The following SEZ6 variants were observed in gnomAD, a reference collection of about 807,000 sequenced individuals.
SEZ6 encodes seizure related 6 homolog, also known as seizure protein 6 homolog.
Under a neutral mutation model 101.0 loss-of-function variants are expected in SEZ6, and 53 were observed. That is an observed-to-expected ratio of 0.52 (90% CI 0.42 to 0.66). SEZ6 has a LOEUF of 0.66. Among genes scored for constraint, SEZ6 ranks in the 30% least tolerant of loss-of-function variants. SEZ6 has a pLI of 0.00. For missense variants in SEZ6, 1,102 were observed against 1,289.4 expected, an observed-to-expected ratio of 0.85 and a Z score of 2.23; for synonymous variants, 488 against 512.2, an observed-to-expected ratio of 0.95 and a Z score of 0.64.
At chr17:29,003,565 C>A (rs570795478) in intron 1 of SEZ6, among the ~76,000 whole-genome samples, 2 of 152,246 alleles carry the variant, frequency 1.3e-5, no homozygotes, top group Admixed American at 1.3e-4. Context: ...AGGCTCATAG[C>A]CTGAGGTCTT....
At position 28,979,750 on chromosome 17, in the gene SEZ6, G is replaced by C; in HGVS notation, c.788C>G (p.Ser263Cys). ...GCAGTCCAGGCCAACATCAGTGGGG[G>C]AGCTGAGGTCTGTAGGGGAGTCCAG... ...GSLDSPTDLS[S>C]PTDVGLDCFF... is the part of the protein sequence containing the mutation. Residue 263 changes from serine to cysteine, a missense_variant, in exon 3 of 17, where the codon TCC becomes TGC. Ser to Cys is a moderately radical substitution (Grantham distance 112). Around this residue, in one of 3 missense-constraint regions of SEZ6, gnomAD observed 406 missense variants for 418.6 expected, o/e 0.97. Coordinates refer to ENST00000317338, the MANE Select transcript of SEZ6 (RefSeq NM_178860.5). 6.2e-7 allele frequency: 1 copy of C among 1,613,850 alleles called. No homozygotes were observed. Among genetic ancestry groups the C allele is most frequent in the Non-Finnish European group, 8.5e-7 (1 of 1,179,826 alleles).
chr17:28,964,100 C>T lies in SEZ6; in HGVS notation c.1102G>A (p.Val368Met). Residue 368 changes from valine (V) to methionine (M), a missense_variant, in exon 5 of 17, where the codon GTG becomes ATG. Transcript: ENST00000317338. ...CCTGGGTGGAGGCTGGTGACAGTCA[C>T]ATCTCCATAAGCTGGACGACGGGGA... ...HFPRRPAYGD[V>M]TVTSLHPGGS... 3.1e-6 allele frequency: 5 copies of T among 1,604,764 alleles called. No individual in the cohort carries two copies. The highest frequency in any genetic ancestry group is 4.3e-6 in the Non-Finnish European group (5 of 1,175,614).
chr17:28,964,222 G>T (rs1273961659), intron 4 of SEZ6, 75 bp from the exon 5 acceptor site: 3 of 1,427,610 alleles, frequency 2.1e-6, no homozygotes, highest in African/African-American at 2.8e-5. Flanking sequence ...GTTGGGGGAG[G>T]TCTGCCTCAG....
chr17:28,965,051 C>T (rs1020839203), intron 4 of SEZ6, among the ~76,000 whole-genome samples: 1 of 145,414 alleles, frequency 6.9e-6, no homozygotes, highest in Non-Finnish European at 1.5e-5. Context: ...AGCAAAACTC[C>T]ATCTCAAAAC....
chr17:28,961,965 C>T (rs779929808), intron 5 of SEZ6, among the ~76,000 whole-genome samples: 11 of 152,156 alleles, frequency 7.2e-5, no homozygotes, highest in Non-Finnish European at 1.5e-4. Context: ...AGACCTGCCT[C>T]AGCTTGGTCT....
chr17:28,987,155 A>G (rs1320546113), intron 1 of SEZ6, among the ~76,000 whole-genome samples: 1 of 152,190 alleles, frequency 6.6e-6, no homozygotes, highest in Non-Finnish European at 1.5e-5. Flanking sequence ...GGACAATGAG[A>G]ATTTAATGGG....
intron 3 of SEZ6, among the ~76,000 whole-genome samples, chr17:28,972,663 G>A (rs1253212302): frequency 6.6e-6 from 1 of 152,248 alleles, no homozygotes; most frequent in Non-Finnish European, 1.5e-5. Context: ...AGCAGGCGGA[G>A]GCTGGATGAG....
intron 1 of SEZ6, among the ~76,000 whole-genome samples, chr17:28,983,504 G>A (rs923490774): frequency 6.6e-6 from 1 of 152,168 alleles, no homozygotes; most frequent in African/African-American, 2.4e-5. Flanking sequence ...TCTGGGGGAT[G>A]AAACTGATTT....
At chr17:29,006,051 G>C (rs1000248191), upstream of SEZ6, 303 of 419,898 alleles carry the variant, frequency 7.2e-4, 1 homozygote, top group Non-Finnish European at 8.8e-4. Context: ...GCCTGGCGAC[G>C]GCGCCGGGGA....
At chr17:28,978,633 G>A (rs186653626) in intron 3 of SEZ6, among the ~76,000 whole-genome samples, 43 of 152,344 alleles carry the variant, frequency 2.8e-4, no homozygotes, top group African/African-American at 9.9e-4. Context: ...AGTGCAAAGT[G>A]GGGGTAAAGA....
At chr17:28,969,142 A>G (rs2041112759) in intron 4 of SEZ6, among the ~76,000 whole-genome samples, 1 of 152,200 alleles carries the variant, frequency 6.6e-6, no homozygotes, top group Non-Finnish European at 1.5e-5. Flanking sequence ...TCAAACACAG[A>G]TCTGCCCATT....
intron 10 of SEZ6, among the ~76,000 whole-genome samples, chr17:28,958,376 T>G (rs1458628460): frequency 6.6e-6 from 1 of 152,216 alleles, no homozygotes; most frequent in African/African-American, 2.4e-5. Context: ...AAAAGCACCT[T>G]GACCAGTTCC....
intron 1 of SEZ6, among the ~76,000 whole-genome samples, chr17:28,985,570 C>T (rs2041368048): frequency 6.6e-6 from 1 of 152,230 alleles, no homozygotes; most frequent in African/African-American, 2.4e-5. Context: ...TGTGAATCTG[C>T]ATGCTCTGAA....
intron 1 of SEZ6, among the ~76,000 whole-genome samples, chr17:28,994,436 C>T (rs775325928): frequency 1.1e-4 from 16 of 151,690 alleles, no homozygotes; most frequent in Middle Eastern, 3.2e-3. Context: ...CCATAGTGCC[C>T]GGCTAATTTT....
intron 1 of SEZ6, among the ~76,000 whole-genome samples, chr17:28,988,070 G>A (rs2041406809): frequency 6.6e-6 from 1 of 152,188 alleles, no homozygotes; most frequent in African/African-American, 2.4e-5. Context: ...TTGTTGGGTT[G>A]GACACAGAGA....
chr17:28,981,798 A>G lies in SEZ6; in HGVS notation c.297T>C (p.Pro99=). The stretch of plus-strand genomic sequence containing the variant: ...GAAGGGGACTTGGGGTGAAGGGTGC[A>G]GGTGGGTCAGGCTGGAAGGGCAGTG... ...RPALPFQPDP[P]APFTPSPLPR... is the part of the protein sequence containing the mutation. Residue 99 remains proline, a synonymous_variant, in exon 2 of 17, where the codon CCT becomes CCC. Transcript: ENST00000317338. 6.2e-7 allele frequency: 1 copy of G among 1,613,790 alleles called. No individual in the cohort carries two copies. The highest frequency in any genetic ancestry group is 8.5e-7 in the Non-Finnish European group (1 of 1,179,824).
chr17:28,989,233 A>G (rs944291252), intron 1 of SEZ6, among the ~76,000 whole-genome samples: 1 of 152,244 alleles, frequency 6.6e-6, no homozygotes, highest in South Asian at 2.1e-4. Flanking sequence ...TCCAGGATCT[A>G]GTGAACCATG....
rs559565362 is a variant in SEZ6, at chr17:29,004,043, C to A, written c.55+1772G>T. 5.3e-4 allele frequency among the ~76,000 whole-genome samples: 80 copies of A among 152,316 alleles called. 1 individual carries two copies. Among genetic ancestry groups the A allele is most frequent in the African/African-American group, 1.8e-3 (74 of 41,568 alleles). ...TCTCACTCTAGCCCTGCAGGGAGCT[C>A]TCTGGCTGAGGCTGCACCCACACAC... On this transcript the variant is annotated intron_variant, in intron 1 of 16. Transcript: ENST00000317338.
chr17:28,970,709 A>G (rs1276720760), intron 3 of SEZ6, among the ~76,000 whole-genome samples: 2 of 152,038 alleles, frequency 1.3e-5, no homozygotes, highest in South Asian at 4.1e-4. Flanking sequence ...CTACAGCAGT[A>G]TTTTCTGAAC....
Sources: gnomAD v4.1 joint callset for allele counts (sites outside exome capture counted in the v4.1 genomes callset) on GRCh38, gnomAD v4.1.1 for gene constraint, gnomAD v4.1.1 regional missense constraint, MANE v1.5 for transcripts, NCBI Gene and HGNC (gene_info 2026-07-23, HGNC 2026-07-21) for gene names.